Variants in EXTL1 observed in about 807,000 individuals in gnomAD.
EXTL1 encodes the protein exostosin-like 1.
A neutral mutation model predicts 64.6 loss-of-function variants in EXTL1; 43 were observed. The observed-to-expected ratio is 0.67, with a 90% CI of 0.52 to 0.86. The LOEUF (loss-of-function observed/expected upper bound fraction) is 0.86, where lower values mean the gene tolerates loss of function less well. EXTL1 is among the 40% of genes least tolerant of loss of function. The pLI is 0.00. For synonymous variants in EXTL1, 352 were observed against 360.5 expected (o/e 0.98, Z 0.27); for missense variants, 766 against 879.0 (o/e 0.87, Z 1.62).
Position 26,022,778 on chromosome 1 carries a change from A to G in EXTL1, c.132A>G (p.Gln44=). 6.2e-7 allele frequency: 1 copy of G among 1,613,922 alleles called. No homozygotes were observed. The part of the protein sequence containing the change: ...LPPRPRPGAS[Q]GWPRWLDAEL... ...CCAGACCTCGGCCCGGGGCTTCCCA[A>G]GGCTGGCCCCGCTGGCTGGATGCAG... The change falls in exon 1 of 11, where the codon CAA becomes CAG. Residue 44 remains glutamine, a synonymous_variant. Transcript: ENST00000374280.
intron 1 of EXTL1, 40 bp downstream of exon 1, chr1:26,023,465 GC>G: frequency 7.0e-7 from 1 of 1,419,978 alleles, no homozygotes; most frequent in Non-Finnish European, 9.2e-7. Flanking sequence ...ATGGGAGGGG[GC>G]TGGAATAGAC....
In EXTL1 at chr1:26,035,056, C is replaced by T. The variant is rs766245628; in HGVS notation, c.1848+52C>T. 8 of 1,604,450 alleles carry T rather than the reference C, an allele frequency of 5.0e-6. No homozygotes were observed. Among genetic ancestry groups the T allele is most frequent in the African/African-American group, 1.3e-5 (1 of 74,804 alleles). On this transcript the variant is annotated intron_variant, in intron 10 of 10. Coordinates refer to ENST00000374280, the MANE Select transcript of EXTL1 (RefSeq NM_004455.3). The surrounding 1 kb of genome is among the most constrained non-coding windows in gnomAD (Gnocchi z 5.3). ...ACTGGCAGGGATTGGGCGGGGATGC[C>T]GGAGAGGATTCCCTCTCACTGTCTA...
chr1:26,023,502 G>A, intron 1 of EXTL1, 77 bp downstream of exon 1: 1 of 1,359,948 alleles, frequency 7.4e-7, no homozygotes, highest in Non-Finnish European at 9.6e-7. Flanking sequence ...AGGGTAGAAG[G>A]CAGGACTGAG....
At position 26,035,517 on chromosome 1, in the gene EXTL1, T is replaced by C. The variant is rs976614468; in HGVS notation, c.*170T>C. On this transcript the variant is annotated 3_prime_UTR_variant, in exon 11 of 11. Transcript: ENST00000374280. This position sits in a 1 kb window ranked among gnomAD's most constrained non-coding sequence, Gnocchi z 5.3. ...CACAACAGGGGGGCGTGGCCTTACC[T>C]TCTCCTGCTCGCCCTCAGCCGCGGA... The C allele has an allele frequency of 3.9e-6, 2 of 511,348 alleles. No individual in the cohort carries two copies. Among genetic ancestry groups the C allele is most frequent in the Non-Finnish European group, 6.8e-6 (2 of 294,138 alleles). The allele number at this position is 511,348 out of a possible 1,614,324, so 31.7% of individuals were successfully genotyped here. A position where few individuals can be genotyped will look rare whatever the true frequency, so the allele number is the denominator to read the frequency against.
At chr1:26,026,317 A>G (rs1267896488) in intron 1 of EXTL1, among the ~76,000 whole-genome samples, 2 of 148,514 alleles carry the variant, frequency 1.3e-5, no homozygotes, top group East Asian at 2.0e-4. Context: ...TTTTTGAGAC[A>G]AAGTCTTTCT....
Position 26,023,321 on chromosome 1 carries a change from C to T in EXTL1, c.675C>T (p.Ala225=), listed in dbSNP as rs2050176770. The T allele has an allele frequency of 6.5e-7, 1 of 1,538,224 alleles. No homozygotes were observed. The highest frequency in any genetic ancestry group is 8.8e-7 in the Non-Finnish European group (1 of 1,140,734). Residue 225 remains alanine, a synonymous_variant, in exon 1 of 11, where the codon GCC becomes GCT. Coordinates refer to ENST00000374280, the MANE Select transcript of EXTL1 (RefSeq NM_004455.3). Reference sequence around the variant, plus strand: ...AACACAGCCCCCAGCCCGGGGTAGCCCTGCTAGCCCTGGAAGAGGAGAGGG... The same window carrying T: ...AACACAGCCCCCAGCCCGGGGTAGCTCTGCTAGCCCTGGAAGAGGAGAGGG... The part of the protein sequence containing the change: ...LRQHSPQPGV[A]LLALEEERGG...
Position 26,029,671 on chromosome 1 carries a change from G to A in EXTL1, c.945G>A (p.Lys315=), listed in dbSNP as rs2050260139. ...TCTCCGAGGTCATCGACTGGACCAA[G>A]GCAGCCATCGTAGCTGATGAGAGGC... is the stretch of plus-strand genomic sequence containing the variant. ...LPFSEVIDWT[K]AAIVADERLP... The change falls in exon 3 of 11, where the codon AAG becomes AAA. Residue 315 remains lysine (K), a synonymous_variant. Transcript: ENST00000374280. The A allele has an allele frequency of 6.2e-7, 1 of 1,612,496 alleles. No individual in the cohort carries two copies. The highest frequency in any genetic ancestry group is 8.5e-7 in the Non-Finnish European group (1 of 1,179,666).
chr1:26,024,618 C>T (rs1045345639), intron 1 of EXTL1, among the ~76,000 whole-genome samples: 1 of 152,210 alleles, frequency 6.6e-6, no homozygotes. Context: ...TCCCGGTCAG[C>T]CCCAGGGTCC....
In EXTL1 at chr1:26,034,068, C is replaced by CT. The variant is rs1465826179; in HGVS notation, c.1679+213dup. Among the ~76,000 whole-genome samples the CT allele has an allele frequency of 2.6e-5, 4 of 152,214 alleles. No individual in the cohort carries two copies. The East Asian group carries it at 7.7e-4, about 29-fold the overall frequency. On this transcript the variant is annotated intron_variant, in intron 9 of 10. Transcript: ENST00000374280. This position sits in a 1 kb window ranked among gnomAD's most constrained non-coding sequence, Gnocchi z 4.6. Reference sequence around the variant, plus strand: ...AATGGGATGGATTCACCTCCCAGGGCTGGTGTGAACATTAAATGAAGTCCC... The same window carrying CT: ...AATGGGATGGATTCACCTCCCAGGGCTTGGTGTGAACATTAAATGAAGTCCC...
In EXTL1 at chr1:26,030,501, C is replaced by G. The variant is rs774950171; in HGVS notation, c.1007C>G (p.Ser336Cys). The G allele has an allele frequency of 6.2e-7, 1 of 1,613,132 alleles. No individual in the cohort carries two copies. Among genetic ancestry groups the G allele is most frequent in the East Asian group, 2.2e-5 (1 of 44,870 alleles). ...GTCCTGGCTGCCCTCCAGGAGATGTCCCCTGCACGGGTCCTCGCCCTGCGT... is the reference window on the plus strand; with the variant it reads ...GTCCTGGCTGCCCTCCAGGAGATGTGCCCTGCACGGGTCCTCGCCCTGCGT... ...LQVLAALQEMSPARVLALRQQ... is the reference protein window; with the variant it reads ...LQVLAALQEMCPARVLALRQQ... The change falls in exon 4 of 11, where the codon TCC becomes TGC. Residue 336 changes from serine to cysteine, a missense_variant. Physicochemically the swap from Ser to Cys is moderately radical, Grantham distance 112. This residue lies in a region of EXTL1 where 571 missense variants were observed against 647.6 expected (regional missense o/e 0.88). Coordinates refer to ENST00000374280, the MANE Select transcript of EXTL1 (RefSeq NM_004455.3).
At chr1:26,027,439 T>A (rs1174379510) in intron 1 of EXTL1, among the ~76,000 whole-genome samples, 1 of 152,054 alleles carries the variant, frequency 6.6e-6, no homozygotes, top group Non-Finnish European at 1.5e-5. Context: ...ACATACTCAA[T>A]ATAGGTTAGC....
chr1:26,035,400 C>G lies in EXTL1; in HGVS notation c.*53C>G. 1.3e-6 allele frequency: 2 copies of G among 1,501,594 alleles called. No homozygotes were observed. The highest frequency in any genetic ancestry group is 1.8e-6 in the Non-Finnish European group (2 of 1,114,334). 93.0% of individuals were successfully genotyped at this position (1,501,594 alleles called of 1,614,324 possible). A position where few individuals can be genotyped will look rare whatever the true frequency, so the allele number is the denominator to read the frequency against. ...AGGTCGCAGCCCAGCTCCCAGGGGGCCCGGCGCCTGCCGGCGGGCTCCGCT... is the reference window on the plus strand; with the variant it reads ...AGGTCGCAGCCCAGCTCCCAGGGGGGCCGGCGCCTGCCGGCGGGCTCCGCT... On this transcript the variant is annotated 3_prime_UTR_variant, in exon 11 of 11. Coordinates refer to ENST00000374280, the MANE Select transcript of EXTL1 (RefSeq NM_004455.3). This position sits in a 1 kb window ranked among gnomAD's most constrained non-coding sequence, Gnocchi z 5.3.
rs1338160275 is a variant in EXTL1, at chr1:26,022,321, C to G, written c.-326C>G. The stretch of plus-strand genomic sequence containing the variant: ...CATTCTGGACAGGGGTTGCGTCAGC[C>G]AGAGCAGTGCCCAGGGGCAGGGGTC... On this transcript the variant is annotated 5_prime_UTR_variant, in exon 1 of 11. Coordinates refer to ENST00000374280, the MANE Select transcript of EXTL1 (RefSeq NM_004455.3). 1 of 294,702 alleles carries G rather than the reference C, an allele frequency of 3.4e-6. No individual in the cohort carries two copies. The highest frequency in any genetic ancestry group is 6.3e-6 in the Non-Finnish European group (1 of 158,532). The allele number at this position is 294,702 out of a possible 1,614,324, so 18.3% of individuals were successfully genotyped here. A position where few individuals can be genotyped will look rare whatever the true frequency, so the allele number is the denominator to read the frequency against.
Position 26,022,650 on chromosome 1 carries a change from C to A in EXTL1, c.4C>A (p.Gln2Lys). ...AGCCCTGACTGTGGGTGGCCACATG[C>A]AGTCGTGGAGGAGAAGAAAGTCCCT... MQSWRRRKSLWL... is the reference protein window; with the variant it reads MKSWRRRKSLWL... Residue 2 changes from glutamine to lysine, a missense_variant, in exon 1 of 11, where the codon CAG becomes AAG. Transcript: ENST00000374280. The A allele has an allele frequency of 1.3e-6, 2 of 1,582,756 alleles. No individual in the cohort carries two copies. The highest frequency in any genetic ancestry group is 1.2e-5 in the South Asian group (1 of 86,186).
intron 1 of EXTL1, among the ~76,000 whole-genome samples, chr1:26,026,318 A>G (rs1372614137): frequency 6.8e-6 from 1 of 147,870 alleles, no homozygotes; most frequent in Non-Finnish European, 1.5e-5. Context: ...TTTTGAGACA[A>G]AGTCTTTCTC....
intron 1 of EXTL1, among the ~76,000 whole-genome samples, chr1:26,027,269 C>T (rs1226139483): frequency 6.6e-6 from 1 of 152,186 alleles, no homozygotes; most frequent in African/African-American, 2.4e-5. Flanking sequence ...CTCCCTGGCT[C>T]CTCTACTCAA....
Position 26,023,032 on chromosome 1 carries a change from C to T in EXTL1, c.386C>T (p.Ala129Val). 1 of 1,614,102 alleles carries T rather than the reference C, an allele frequency of 6.2e-7. No homozygotes were observed. The highest frequency in any genetic ancestry group is 8.5e-7 in the Non-Finnish European group (1 of 1,179,990). ...TCTCGCTTCTACACATTCAGCCCTG[C>T]TGGGGCCTGCCTCCTCCTCCTCCTC... Reference protein sequence around the residue: ...EGSRFYTFSPAGACLLLLLSL... With the variant: ...EGSRFYTFSPVGACLLLLLSL... The change falls in exon 1 of 11, where the codon GCT (alanine) becomes GTT (valine). Residue 129 changes from alanine (A) to valine (V), a missense_variant. Ala to Val is a moderately conservative substitution (Grantham distance 64, BLOSUM62 0). Transcript: ENST00000374280.
rs2050163651 is a variant in EXTL1, at chr1:26,022,663, GAAGA to G, written c.21_24del (p.Arg7SerfsTer217). 1 of 1,602,466 alleles carries G rather than the reference GAAGA, an allele frequency of 6.2e-7. No individual in the cohort carries two copies. Among genetic ancestry groups the G allele is most frequent in the Non-Finnish European group, 8.5e-7 (1 of 1,173,776 alleles). ...GGTGGCCACATGCAGTCGTGGAGGAGAAGAAAGTCCCTGTGGCTGGCACTGTCAG... is the reference window on the plus strand; with the variant it reads ...GGTGGCCACATGCAGTCGTGGAGGAGAAGTCCCTGTGGCTGGCACTGTCAG... On this transcript the variant is annotated frameshift_variant, in exon 1 of 11. Transcript: ENST00000374280. LOFTEE classifies it high-confidence loss of function.
At chr1:26,024,202 G>T (rs2050190093) in intron 1 of EXTL1, among the ~76,000 whole-genome samples, 1 of 152,144 alleles carries the variant, frequency 6.6e-6, no homozygotes, top group East Asian at 1.9e-4. Context: ...TGCGCCTCAG[G>T]TGATAGTTAT....
Sources: gnomAD v4.1 joint callset for allele counts (sites outside exome capture counted in the v4.1 genomes callset) on GRCh38, gnomAD v4.1.1 for gene constraint, gnomAD v4.1.1 regional missense constraint, Gnocchi (gnomAD v3.1) non-coding constraint, MANE v1.5 for transcripts, NCBI Gene and HGNC (gene_info 2026-07-23, HGNC 2026-07-21) for gene names.